Variants in DTX3 observed in about 807,000 individuals in gnomAD.
DTX3 encodes E3 ubiquitin-protein ligase DTX3.
A neutral mutation model predicts 27.4 loss-of-function variants in DTX3; 10 were observed. That is an observed-to-expected ratio of 0.36 (90% CI 0.22 to 0.62). The LOEUF is 0.62. DTX3 is among the 20% of genes least tolerant of loss of function. The pLI, the probability that DTX3 is intolerant of heterozygous loss-of-function variation, is 0.68. For synonymous variants in DTX3, 171 were observed against 190.7 expected (o/e 0.90, Z 0.85); for missense variants, 319 against 463.8 (o/e 0.69, Z 2.87).
chr12:57,609,229 C>T lies in DTX3; in HGVS notation c.*77C>T. 1 of 1,365,946 alleles carries T rather than the reference C, an allele frequency of 7.3e-7. No individual in the cohort carries two copies. Among genetic ancestry groups the T allele is most frequent in the South Asian group, 1.2e-5 (1 of 83,410 alleles). The allele number at this position is 1,365,946 out of a possible 1,614,324, so 84.6% of individuals were successfully genotyped here. A position where few individuals can be genotyped will look rare whatever the true frequency, so the allele number is the denominator to read the frequency against. ...CAGAAGCCTCTTTCTCCTCTCTGCCCCCTGCCCCCCACACCACACCTGTAG... is the reference window on the plus strand; with the variant it reads ...CAGAAGCCTCTTTCTCCTCTCTGCCTCCTGCCCCCCACACCACACCTGTAG... On this transcript the variant is annotated 3_prime_UTR_variant, in exon 7 of 7. Transcript: ENST00000337737.
At position 57,605,692 on chromosome 12, in the gene DTX3, G is replaced by C. The variant is rs1460415627; in HGVS notation, c.-178G>C. 1 of 152,244 alleles carries C rather than the reference G, an allele frequency of 6.6e-6. No individual in the cohort carries two copies. The highest frequency in any genetic ancestry group is 1.5e-5 in the Non-Finnish European group (1 of 68,072). 9.4% of individuals were successfully genotyped at this position (152,244 alleles called of 1,614,324 possible). ...CCGCCCCTCCCTAAATGCCAGACTT[G>C]GGAGCTGACAGACAGCACTGCCTGT... On this transcript the variant is annotated 5_prime_UTR_variant, in exon 2 of 7. Transcript: ENST00000337737.
At chr12:57,605,235 G>C (rs1396196995) in intron 1 of DTX3, 1 of 152,344 alleles carries the variant, frequency 6.6e-6, no homozygotes, top group African/African-American at 2.4e-5. Flanking sequence ...GCCTCCCTCT[G>C]GCCTCTGTCT....
Position 57,607,218 on chromosome 12 carries a change from C to T in DTX3, c.355C>T (p.Arg119Cys), listed in dbSNP as rs1253129196. ...TGGAGGGGAGCACCCTGAGATGCAC[C>T]GCGCAGGCCCACCCCCTCTCCGAGC... ...GGGGEHPEMH[R>C]AGPPPLRAAP... Residue 119 changes from arginine (R) to cysteine (C), a missense_variant, in exon 5 of 7, where the codon CGC (arginine) becomes TGC (cysteine). Coordinates refer to ENST00000337737, the MANE Select transcript of DTX3 (RefSeq NM_178502.4). The surrounding 1 kb of genome is among the most constrained non-coding windows in gnomAD (Gnocchi z 7.7). 5.0e-6 allele frequency: 8 copies of T among 1,610,344 alleles called. No individual in the cohort carries two copies. The highest frequency in any genetic ancestry group is 2.2e-5 in the South Asian group (2 of 90,804).
rs188449944 is a variant in DTX3, at chr12:57,607,887, G to A, written c.750+274G>A. Among the ~76,000 whole-genome samples the A allele has an allele frequency of 1.8e-4, 27 of 152,300 alleles. No individual in the cohort carries two copies. Among genetic ancestry groups the A allele is most frequent in the Non-Finnish European group, 3.4e-4 (23 of 68,012 alleles). ...AGGAATTGCATATTATTTCCTTGAT[G>A]AACACAAATACTGTGCTGACATCTT... On this transcript the variant is annotated intron_variant, in intron 5 of 6. Coordinates refer to ENST00000337737, the MANE Select transcript of DTX3 (RefSeq NM_178502.4). This position sits in a 1 kb window ranked among gnomAD's most constrained non-coding sequence, Gnocchi z 7.7.
chr12:57,608,392 C>A lies in DTX3; in HGVS notation c.751-128C>A. On this transcript the variant is annotated intron_variant, in intron 5 of 6. Transcript: ENST00000337737. The surrounding 1 kb of genome is among the most constrained non-coding windows in gnomAD (Gnocchi z 6.1). ...TCTCCTTCTGTGGAAAGCTGTCAGC[C>A]TGTTGCTGCCCCGTTCGCATTAGCT... is the stretch of plus-strand genomic sequence containing the variant. 1 of 756,756 alleles carries A rather than the reference C, an allele frequency of 1.3e-6. No homozygotes were observed. The highest frequency in any genetic ancestry group is 2.1e-6 in the Non-Finnish European group (1 of 465,678). 46.9% of individuals were successfully genotyped at this position (756,756 alleles called of 1,614,324 possible). A position where few individuals can be genotyped will look rare whatever the true frequency, so the allele number is the denominator to read the frequency against.
rs200588943 is a variant in DTX3, at chr12:57,607,102, A to G, written c.239A>G (p.Lys80Arg). The G allele has an allele frequency of 9.7e-5, 157 of 1,614,194 alleles. 2 individuals carry two copies. In the African/African-American group the frequency reaches 1.7e-3, roughly 18 times the overall value. Reference sequence around the variant, plus strand: ...CCAAATGGGCTCTACCTAGCCCGGAAGGCTCTCAAGGGGCTGCTAAAAGAG... The same window carrying G: ...CCAAATGGGCTCTACCTAGCCCGGAGGGCTCTCAAGGGGCTGCTAAAAGAG... Reference protein sequence around the residue: ...APPNGLYLARKALKGLLKEAE... With the variant: ...APPNGLYLARRALKGLLKEAE... Residue 80 changes from lysine (K) to arginine (R), a missense_variant, in exon 5 of 7, where the codon AAG becomes AGG. Physicochemically the swap from Lys to Arg is conservative, Grantham distance 26. Coordinates refer to ENST00000337737, the MANE Select transcript of DTX3 (RefSeq NM_178502.4). The surrounding 1 kb of genome is among the most constrained non-coding windows in gnomAD (Gnocchi z 7.7).
Position 57,608,632 on chromosome 12 carries a change from A to T in DTX3, c.863A>T (p.Gln288Leu). 1 of 1,614,198 alleles carries T rather than the reference A, an allele frequency of 6.2e-7. No individual in the cohort carries two copies. Among genetic ancestry groups the T allele is most frequent in the Non-Finnish European group, 8.5e-7 (1 of 1,180,026 alleles). ...VLTLFRKAFD[Q>L]RLTFTIGTSM... ...ACCCTGTTCCGCAAGGCGTTTGACC[A>T]GCGTCTCACCTTCACTATCGGCACG... Residue 288 changes from glutamine (Q) to leucine (L), a missense_variant, in exon 6 of 7, where the codon CAG (glutamine) becomes CTG (leucine). This residue lies in a region of DTX3 where 117 missense variants were observed against 258.5 expected (regional missense o/e 0.45). Transcript: ENST00000337737. The surrounding 1 kb of genome is among the most constrained non-coding windows in gnomAD (Gnocchi z 6.1).
rs996021645 is a variant in DTX3, at chr12:57,607,676, G to T, written c.750+63G>T. ...CCCCAAGCTCTGACCTAGGAAAACC[G>T]GGTGAGGGTGAGTGTGCTTGTTAGA... On this transcript the variant is annotated intron_variant, in intron 5 of 6. Transcript: ENST00000337737. This position sits in a 1 kb window ranked among gnomAD's most constrained non-coding sequence, Gnocchi z 7.7. The T allele has an allele frequency of 6.3e-7, 1 of 1,598,590 alleles. No homozygotes were observed. The highest frequency in any genetic ancestry group is 1.7e-5 in the Admixed American group (1 of 59,876).
chr12:57,607,630 C>T lies in DTX3; in HGVS notation c.750+17C>T, dbSNP rs1178312358. On this transcript the variant is annotated intron_variant, in intron 5 of 6. Coordinates refer to ENST00000337737, the MANE Select transcript of DTX3 (RefSeq NM_178502.4). This position sits in a 1 kb window ranked among gnomAD's most constrained non-coding sequence, Gnocchi z 7.7. ...GTCCAGGGGGTAAGAAGACCATGGC[C>T]TGCCCTTACCCTTTGGCTTTCCCCA... 5 of 1,613,794 alleles carry T rather than the reference C, an allele frequency of 3.1e-6. No individual in the cohort carries two copies. Among genetic ancestry groups the T allele is most frequent in the Non-Finnish European group, 4.2e-6 (5 of 1,179,944 alleles).
chr12:57,609,126 A>T lies in DTX3; in HGVS notation c.1018A>T (p.Arg340Ter). Reference protein sequence around the residue: ...TYLTRVQEELRAKGITDD With the variant: ...TYLTRVQEEL ...CCTGACCCGGGTGCAAGAGGAGCTGAGAGCGAAGGGTATCACAGATGACTG... is the reference window on the plus strand; with the variant it reads ...CCTGACCCGGGTGCAAGAGGAGCTGTGAGCGAAGGGTATCACAGATGACTG... The change falls in exon 7 of 7, where the codon AGA (arginine) becomes TGA (stop). Residue 340 changes from arginine (R) to a stop codon, truncating the protein, a stop_gained. Coordinates refer to ENST00000337737, the MANE Select transcript of DTX3 (RefSeq NM_178502.4). LOFTEE classifies it high-confidence loss of function. The T allele has an allele frequency of 6.2e-7, 1 of 1,614,162 alleles. No homozygotes were observed.
Position 57,609,414 on chromosome 12 carries a change from G to C in DTX3, c.*262G>C. 1 of 486,494 alleles carries C rather than the reference G, an allele frequency of 2.1e-6. No homozygotes were observed. Among genetic ancestry groups the C allele is most frequent in the South Asian group, 2.6e-5 (1 of 38,376 alleles). The allele number at this position is 486,494 out of a possible 1,614,324, so 30.1% of individuals were successfully genotyped here. ...CCCCTCCCCGTGTACATATACTCCC[G>C]GTTTCCCTGCCCCTCCATTGCCCTT... is the stretch of plus-strand genomic sequence containing the variant. On this transcript the variant is annotated 3_prime_UTR_variant, in exon 7 of 7. Transcript: ENST00000337737.
rs1297922079 is a variant in DTX3 at position 57,609,109 on chromosome 12, G to A, written c.1001G>A (p.Arg334Gln). The A allele has an allele frequency of 1.9e-6, 3 of 1,613,960 alleles. No individual in the cohort carries two copies. The highest frequency in any genetic ancestry group is 1.7e-6 in the Non-Finnish European group (2 of 1,180,032). Residue 334 changes from arginine to glutamine, a missense_variant, in exon 7 of 7, where the codon CGG (arginine) becomes CAG (glutamine). Arg to Gln is a conservative substitution (Grantham distance 43). Coordinates refer to ENST00000337737, the MANE Select transcript of DTX3 (RefSeq NM_178502.4). The part of the protein sequence containing the change: ...FGYPDPTYLT[R>Q]VQEELRAKGI... ...TACCCAGACCCCACCTACCTGACCCGGGTGCAAGAGGAGCTGAGAGCGAAG... is the reference window on the plus strand; with the variant it reads ...TACCCAGACCCCACCTACCTGACCCAGGTGCAAGAGGAGCTGAGAGCGAAG...
chr12:57,606,846 C>A lies in DTX3; in HGVS notation c.2-19C>A, dbSNP rs763473059. 2 of 1,587,706 alleles carry A rather than the reference C, an allele frequency of 1.3e-6. No individual in the cohort carries two copies. Among genetic ancestry groups the A allele is most frequent in the Non-Finnish European group, 1.7e-6 (2 of 1,165,464 alleles). On this transcript the variant is annotated intron_variant, in intron 4 of 6. Coordinates refer to ENST00000337737, the MANE Select transcript of DTX3 (RefSeq NM_178502.4). ...AAATGGGGACCCCCCACCCTGAGTC[C>A]CTTTCACCCTGGGGGCAGTGTCGTT...
In DTX3 at chr12:57,607,445, G is replaced by C. The variant is rs1883793449; in HGVS notation, c.582G>C (p.Gln194His). The change falls in exon 5 of 7, where the codon CAG becomes CAC. Residue 194 changes from glutamine to histidine, a missense_variant. Around this residue, in one of 2 missense-constraint regions of DTX3, gnomAD observed 117 missense variants for 258.5 expected, o/e 0.45. Coordinates refer to ENST00000337737, the MANE Select transcript of DTX3 (RefSeq NM_178502.4). The surrounding 1 kb of genome is among the most constrained non-coding windows in gnomAD (Gnocchi z 7.7). ...FCEGCITRAL[Q>H]VKKACPMCGR... ...AGGGCTGCATCACCCGGGCTCTGCA[G>C]GTGAAAAAGGCCTGCCCCATGTGCG... 1 of 1,614,168 alleles carries C rather than the reference G, an allele frequency of 6.2e-7. No individual in the cohort carries two copies. Among genetic ancestry groups the C allele is most frequent in the East Asian group, 2.2e-5 (1 of 44,876 alleles).
In DTX3 at chr12:57,609,682, G is replaced by A; in HGVS notation, c.*530G>A. On this transcript the variant is annotated 3_prime_UTR_variant, in exon 7 of 7. Coordinates refer to ENST00000337737, the MANE Select transcript of DTX3 (RefSeq NM_178502.4). ...CTTTCTCTCCTGTGTCTCAGTCTCC[G>A]TCAGTCTGTCTTTCTCCGCTCTTCT... 6.1e-6 allele frequency: 1 copy of A among 164,386 alleles called. No individual in the cohort carries two copies. Among genetic ancestry groups the A allele is most frequent in the Non-Finnish European group, 1.3e-5 (1 of 74,392 alleles). The allele number at this position is 164,386 out of a possible 1,614,324, so 10.2% of individuals were successfully genotyped here. A position where few individuals can be genotyped will look rare whatever the true frequency, so the allele number is the denominator to read the frequency against.
In DTX3 at chr12:57,608,816, C is replaced by T. The variant is rs2306390; in HGVS notation, c.968+79C>T. ...CACTGAGGGACCCACCAACCCCTCG[C>T]TCACGGAGCCTCCTAACTGGAGAGA... On this transcript the variant is annotated intron_variant, in intron 6 of 6. Transcript: ENST00000337737. The surrounding 1 kb of genome is among the most constrained non-coding windows in gnomAD (Gnocchi z 6.1). The T allele has an allele frequency of 0.28, 420,550 of 1,497,022 alleles. 66,973 individuals carry two copies. Among genetic ancestry groups the T allele is most frequent in the East Asian group, 0.63 (26,161 of 41,760 alleles). 92.7% of individuals were successfully genotyped at this position (1,497,022 alleles called of 1,614,324 possible).
In DTX3 at chr12:57,608,771, C is replaced by T. The variant is rs1343455404; in HGVS notation, c.968+34C>T. On this transcript the variant is annotated intron_variant, in intron 6 of 6. Transcript: ENST00000337737. The surrounding 1 kb of genome is among the most constrained non-coding windows in gnomAD (Gnocchi z 6.1). Reference sequence around the variant, plus strand: ...CCTCTTCATTTCCTTTCCCTTGGCTCCTCCCCTTTGTTCCATTTCCACTGA... The same window carrying T: ...CCTCTTCATTTCCTTTCCCTTGGCTTCTCCCCTTTGTTCCATTTCCACTGA... 3 of 1,608,328 alleles carry T rather than the reference C, an allele frequency of 1.9e-6. No individual in the cohort carries two copies. Among genetic ancestry groups the T allele is most frequent in the Non-Finnish European group, 2.5e-6 (3 of 1,176,812 alleles).
In DTX3 at chr12:57,607,434, C is replaced by T. The variant is rs1883792826; in HGVS notation, c.571C>T (p.Arg191Trp). The T allele has an allele frequency of 2.5e-6, 4 of 1,613,970 alleles. No homozygotes were observed. The highest frequency in any genetic ancestry group is 1.7e-5 in the Admixed American group (1 of 59,996). Residue 191 changes from arginine to tryptophan, a missense_variant, in exon 5 of 7, where the codon CGG becomes TGG. Around this residue, in one of 2 missense-constraint regions of DTX3, gnomAD observed 117 missense variants for 258.5 expected, o/e 0.45. Coordinates refer to ENST00000337737, the MANE Select transcript of DTX3 (RefSeq NM_178502.4). This position sits in a 1 kb window ranked among gnomAD's most constrained non-coding sequence, Gnocchi z 7.7. ...TTCATTCTGCGAGGGCTGCATCACCCGGGCTCTGCAGGTGAAAAAGGCCTG... is the reference window on the plus strand; with the variant it reads ...TTCATTCTGCGAGGGCTGCATCACCTGGGCTCTGCAGGTGAAAAAGGCCTG... Reference protein sequence around the residue: ...RHSFCEGCITRALQVKKACPM... With the variant: ...RHSFCEGCITWALQVKKACPM...
rs758962538 is a variant in DTX3 at position 57,607,289 on chromosome 12, T to TC, written c.433dup (p.Leu145ProfsTer79). 8 of 607,870 alleles carry TC rather than the reference T, an allele frequency of 1.3e-5. No individual in the cohort carries two copies. The highest frequency in any genetic ancestry group is 7.6e-6 in the Non-Finnish European group (3 of 396,280). The allele number at this position is 607,870 out of a possible 1,614,324, so 37.7% of individuals were successfully genotyped here. The stretch of plus-strand genomic sequence containing the variant: ...GAGCTCGGGGGCTCCCCCCTCCTCC[T>TC]CCCCCCCTGCCCCCACCTCTTCCTC... On this transcript the variant is annotated frameshift_variant, in exon 5 of 7. Transcript: ENST00000337737. LOFTEE classifies it high-confidence loss of function. This position sits in a 1 kb window ranked among gnomAD's most constrained non-coding sequence, Gnocchi z 7.7.
Sources: gnomAD v4.1 joint callset for allele counts (sites outside exome capture counted in the v4.1 genomes callset) on GRCh38, gnomAD v4.1.1 for gene constraint, gnomAD v4.1.1 regional missense constraint, Gnocchi (gnomAD v3.1) non-coding constraint, MANE v1.5 for transcripts, NCBI Gene and HGNC (gene_info 2026-07-23, HGNC 2026-07-21) for gene names.